Variants in EIF4E3 observed in about 807,000 individuals in gnomAD.
The protein encoded by EIF4E3 is eukaryotic translation initiation factor 4E family member 3.
A neutral mutation model predicts 31.7 loss-of-function variants in EIF4E3; 26 were observed. The ratio of observed to expected loss-of-function variants is 0.82; its 90% CI spans 0.60 to 1.14. The LOEUF is 1.14. Among genes scored for constraint, EIF4E3 ranks in the 50% most tolerant of loss-of-function variants. The pLI, the probability that EIF4E3 is intolerant of heterozygous loss-of-function variation, is 0.00. For synonymous variants in EIF4E3, 128 were observed against 107.7 expected (o/e 1.19, Z -1.17); for missense variants, 304 against 270.9 (o/e 1.12, Z -0.86).
chr3:71,669,471 C>T, the EIF4E3 span, among the ~76,000 whole-genome samples: 210 of 152,206 alleles, frequency 1.4e-3, no homozygotes, highest in African/African-American at 4.8e-3. Context: ...TTTTGTCCCC[C>T]AACAATTGAA....
chr3:71,702,399 C>T (rs541463533), intron 2 of EIF4E3, among the ~76,000 whole-genome samples: 1 of 152,134 alleles, frequency 6.6e-6, no homozygotes, highest in African/African-American at 2.4e-5. Context: ...AAGTTCCTGC[C>T]GTCATACCCC....
chr3:71,736,542 G>C (rs2049765373), intron 1 of EIF4E3, among the ~76,000 whole-genome samples: 1 of 152,202 alleles, frequency 6.6e-6, no homozygotes, highest in Admixed American at 6.5e-5. Flanking sequence ...AAGTGAAGAA[G>C]CCAATCTGAA....
At chr3:71,668,212 T>A in the EIF4E3 span, among the ~76,000 whole-genome samples, 1 of 152,200 alleles carries the variant, frequency 6.6e-6, no homozygotes. Context: ...TGCAGAAAAC[T>A]GAAACTGGAC....
chr3:71,706,013 G>A (rs2049288706), intron 2 of EIF4E3, among the ~76,000 whole-genome samples: 1 of 152,178 alleles, frequency 6.6e-6, no homozygotes, highest in South Asian at 2.1e-4. Flanking sequence ...GTTCACAAAG[G>A]AGTAAGAGAA....
chr3:71,737,889 T>C (rs139689079), intron 1 of EIF4E3, among the ~76,000 whole-genome samples: 1 of 152,264 alleles, frequency 6.6e-6, no homozygotes, highest in African/African-American at 2.4e-5. Context: ...AGAAAACCTG[T>C]CAACCTAGAA....
chr3:71,725,989 C>G (rs970838862), upstream of EIF4E3, among the ~76,000 whole-genome samples: 11 of 152,122 alleles, frequency 7.2e-5, no homozygotes, highest in Admixed American at 2.0e-4. The surrounding 1 kb of genome is among the most constrained non-coding windows in gnomAD (Gnocchi z 6.1). Flanking sequence ...GATAAAGAGA[C>G]TCCAGTGCCC....
chr3:71,754,449 C>T (rs2049979185), upstream of EIF4E3: 3 of 1,337,514 alleles, frequency 2.2e-6, no homozygotes, highest in East Asian at 6.6e-5. The surrounding 1 kb of genome is among the most constrained non-coding windows in gnomAD (Gnocchi z 5.8). Context: ...TGCAGAGCGC[C>T]TGGCCGGCTG....
rs1334222974 is a variant in EIF4E3 at position 71,677,231 on chromosome 3, T to C, written c.*7451A>G. 6.6e-6 allele frequency: 1 copy of C among 152,240 alleles called. No individual in the cohort carries two copies. The highest frequency in any genetic ancestry group is 2.4e-5 in the African/African-American group (1 of 41,466). 9.4% of individuals were successfully genotyped at this position (152,240 alleles called of 1,614,324 possible). On this transcript the variant is annotated 3_prime_UTR_variant, in exon 7 of 7. Coordinates refer to ENST00000425534, the MANE Select transcript of EIF4E3 (RefSeq NM_001134651.2). ...AGATGATGGGAAATAGAAACATATT[T>C]TAATGACATATATTTTAACTTGCTG...
intron 6 of EIF4E3, among the ~76,000 whole-genome samples, chr3:71,689,471 C>T (rs2049034279): frequency 6.6e-6 from 1 of 152,200 alleles, no homozygotes; most frequent in African/African-American, 2.4e-5. Context: ...CCTATTCATA[C>T]TGTTAACATT....
intron 1 of EIF4E3, among the ~76,000 whole-genome samples, chr3:71,749,111 A>C (rs2049901646): frequency 6.6e-6 from 1 of 152,364 alleles, no homozygotes; most frequent in Middle Eastern, 3.4e-3. Flanking sequence ...ACTTGTGTGC[A>C]CACCTTGTGC....
At chr3:71,700,049 C>T (rs2049193953) in intron 2 of EIF4E3, among the ~76,000 whole-genome samples, 1 of 152,094 alleles carries the variant, frequency 6.6e-6, no homozygotes, top group Non-Finnish European at 1.5e-5. Flanking sequence ...TGACACATGC[C>T]TGTAGTCCCA....
chr3:71,704,354 T>G (rs567504326), intron 2 of EIF4E3, among the ~76,000 whole-genome samples: 57 of 152,300 alleles, frequency 3.7e-4, no homozygotes, highest in African/African-American at 1.3e-3. Context: ...GTGTGGAACC[T>G]GCTTCCTGGT....
upstream of EIF4E3, chr3:71,754,745 G>C: frequency 2.2e-6 from 3 of 1,385,552 alleles, no homozygotes; most frequent in Non-Finnish European, 2.8e-6. This position sits in a 1 kb window ranked among gnomAD's most constrained non-coding sequence, Gnocchi z 5.8. Flanking sequence ...TCCACGGCCC[G>C]GGCGCCACCG....
At chr3:71,694,907 G>A (rs959521175) in intron 4 of EIF4E3, among the ~76,000 whole-genome samples, 1 of 152,196 alleles carries the variant, frequency 6.6e-6, no homozygotes, top group Non-Finnish European at 1.5e-5. Context: ...TAAGATCCAT[G>A]CCATAAACAG....
chr3:71,691,354 A>T (rs1162852802), intron 5 of EIF4E3, among the ~76,000 whole-genome samples: 1 of 152,272 alleles, frequency 6.6e-6, no homozygotes, highest in East Asian at 1.9e-4. Context: ...ACTAAAAGAA[A>T]TAATCGGCAG....
rs1331587891 is a variant in EIF4E3, at chr3:71,681,232, A to G, written c.*3450T>C. On this transcript the variant is annotated 3_prime_UTR_variant, in exon 7 of 7. Coordinates refer to ENST00000425534, the MANE Select transcript of EIF4E3 (RefSeq NM_001134651.2). Reference sequence around the variant, plus strand: ...TCTCGTCAAATTTTTATAAAAGCTTAAGAGCAAAATGCAGTAGGATCTTAA... The same window carrying G: ...TCTCGTCAAATTTTTATAAAAGCTTGAGAGCAAAATGCAGTAGGATCTTAA... The G allele has an allele frequency of 6.6e-6, 1 of 152,236 alleles. No homozygotes were observed. The highest frequency in any genetic ancestry group is 2.4e-5 in the African/African-American group (1 of 41,462). 9.4% of individuals were successfully genotyped at this position (152,236 alleles called of 1,614,324 possible). A position where few individuals can be genotyped will look rare whatever the true frequency, so the allele number is the denominator to read the frequency against.
intron 2 of EIF4E3, among the ~76,000 whole-genome samples, chr3:71,706,861 TAAA>T (rs2049300499): frequency 6.6e-6 from 1 of 152,090 alleles, no homozygotes; most frequent in Admixed American, 6.6e-5. Flanking sequence ...TAGAATAAAA[TAAA>T]AAGACAGTGG....
chr3:71,705,479 G>A (rs1157196663), intron 2 of EIF4E3, among the ~76,000 whole-genome samples: 1 of 152,170 alleles, frequency 6.6e-6, no homozygotes, highest in East Asian at 1.9e-4. Context: ...AAACGATGCT[G>A]AATTTCCACT....
chr3:71,749,214 A>G (rs890276675), intron 1 of EIF4E3, among the ~76,000 whole-genome samples: 4 of 152,350 alleles, frequency 2.6e-5, no homozygotes, highest in South Asian at 2.1e-4. Context: ...GACTTGCCCA[A>G]TGAGCCAAAG....
Sources: gnomAD v4.1 joint callset for allele counts (sites outside exome capture counted in the v4.1 genomes callset) on GRCh38, gnomAD v4.1.1 for gene constraint, Gnocchi (gnomAD v3.1) non-coding constraint, MANE v1.5 for transcripts, NCBI Gene and HGNC (gene_info 2026-07-23, HGNC 2026-07-21) for gene names.